SCRIB: variants seen among roughly 807,000 people sequenced by gnomAD.
The protein encoded by SCRIB is scribble planar cell polarity protein.
SCRIB carries 72 observed loss-of-function variants against 170.0 expected under a neutral mutation model. That is an observed-to-expected ratio of 0.42 (90% CI 0.35 to 0.52). The LOEUF is 0.52. SCRIB is among the 20% of genes least tolerant of loss of function. The pLI is 0.02. For missense variants in SCRIB, 2,475 were observed against 2,338.5 expected (o/e 1.06, Z -1.20); for synonymous variants, 1,298 against 1,044.3 (o/e 1.24, Z -4.68).
At chr8:143,814,956 AC>A in intron 1 of SCRIB, 1 of 494,618 alleles carries the variant, frequency 2.0e-6, no homozygotes, top group East Asian at 3.6e-5. Context: ...CTGAATCCCC[AC>A]GGGTTTCACT....
chr8:143,802,156 T>A (rs1554635091), intron 24 of SCRIB, among the ~76,000 whole-genome samples: 1 of 152,234 alleles, frequency 6.6e-6, no homozygotes, highest in Non-Finnish European at 1.5e-5. Flanking sequence ...AGATAAATCC[T>A]TCCCCAGAAA....
chr8:143,810,877 G>T (rs199785081), intron 11 of SCRIB, 29 bp downstream of exon 11: 2 of 1,609,182 alleles, frequency 1.2e-6, no homozygotes, highest in African/African-American at 1.3e-5. Flanking sequence ...GAGCCACCCC[G>T]CGCTAAGCAC....
chr8:143,798,282 A>T (rs782673651), intron 24 of SCRIB, among the ~76,000 whole-genome samples: 26 of 152,212 alleles, frequency 1.7e-4, no homozygotes, highest in Non-Finnish European at 3.4e-4. Flanking sequence ...ACAGATTTTT[A>T]AAAAGTTACC....
chr8:143,801,976 G>A (rs1207700794), intron 24 of SCRIB, among the ~76,000 whole-genome samples: 4 of 152,224 alleles, frequency 2.6e-5, no homozygotes, highest in African/African-American at 7.2e-5. Flanking sequence ...TGCAGACATG[G>A]CACTAGCCCT....
intron 24 of SCRIB, 71 bp from the exon 25 acceptor site, chr8:143,795,601 T>C (rs2130010839): frequency 7.7e-7 from 1 of 1,306,036 alleles, no homozygotes; most frequent in Non-Finnish European, 1.1e-6. Context: ...CAGGCTGGGG[T>C]CCCAGCCCAG....
intron 24 of SCRIB, among the ~76,000 whole-genome samples, chr8:143,795,851 C>G (rs1038746308): frequency 2.0e-5 from 3 of 152,354 alleles, no homozygotes; most frequent in South Asian, 2.1e-4. Context: ...CCAGGAAGAG[C>G]TGACAGCCAC....
intron 24 of SCRIB, among the ~76,000 whole-genome samples, chr8:143,802,593 G>A (rs1437344922): frequency 3.3e-5 from 5 of 152,256 alleles, no homozygotes; most frequent in African/African-American, 1.2e-4. Context: ...ACCCTCTTGT[G>A]GCCCTGCAGG....
chr8:143,809,085 C>A (rs1248361482), intron 14 of SCRIB, 60 bp from the exon 15 acceptor site: 2 of 1,541,690 alleles, frequency 1.3e-6, no homozygotes, highest in East Asian at 4.5e-5. Flanking sequence ...CACAGGAAGA[C>A]CCTACTAAAC....
intron 24 of SCRIB, among the ~76,000 whole-genome samples, chr8:143,802,599 G>A (rs1386087125): frequency 1.3e-5 from 2 of 152,264 alleles, no homozygotes; most frequent in Admixed American, 6.5e-5. Flanking sequence ...TTGTGGCCCT[G>A]CAGGCCACTC....
chr8:143,795,311 G>A lies in SCRIB; in HGVS notation c.3737C>T (p.Thr1246Ile). ...PGKEKELPGQ[T>I]LHWGPEATEA... Reference sequence around the variant, plus strand: ...TGTGGCCTCGGGCCCCCAGTGCAGGGTCTGTCCAGGCAGCTCCTTCTCCTG... The same window carrying A: ...TGTGGCCTCGGGCCCCCAGTGCAGGATCTGTCCAGGCAGCTCCTTCTCCTG... The change falls in exon 26 of 37, where the codon ACC becomes ATC. Residue 1246 changes from threonine to isoleucine, a missense_variant. By Grantham distance (89) the Thr-to-Ile change is moderately conservative. This residue lies in a region of SCRIB where 1,966 missense variants were observed against 1,742.9 expected (regional missense o/e 1.13). Transcript: ENST00000356994. 6.2e-7 allele frequency: 1 copy of A among 1,612,718 alleles called. No individual in the cohort carries two copies. Among genetic ancestry groups the A allele is most frequent in the South Asian group, 1.1e-5 (1 of 91,072 alleles).
Position 143,803,576 on chromosome 8 carries a change from G to A in SCRIB, c.3415-5C>T, listed in dbSNP as rs1815266917. On this transcript the variant is annotated splice_polypyrimidine_tract_variant and splice_region_variant and intron_variant, in intron 23 of 36. Transcript: ENST00000356994. ...GGCTGCCCCCGTGGGGCTCACCTGT[G>A]GGGAGACGTGGTATGGGAGAGACCT... 1 of 1,598,978 alleles carries A rather than the reference G, an allele frequency of 6.3e-7. No individual in the cohort carries two copies. The highest frequency in any genetic ancestry group is 8.5e-7 in the Non-Finnish European group (1 of 1,176,772).
intron 18 of SCRIB, 94 bp downstream of exon 18, chr8:143,806,313 G>T: frequency 1.0e-6 from 1 of 977,410 alleles, no homozygotes; most frequent in Non-Finnish European, 1.6e-6. Flanking sequence ...CTCTTGGGGA[G>T]GCCGGGAGAA....
rs1450068575 is a variant in SCRIB, at chr8:143,793,762, C to T, written c.3909+138G>A. 1.0e-5 allele frequency: 8 copies of T among 786,014 alleles called. No individual in the cohort carries two copies. The East Asian group carries it at 2.1e-4, about 21-fold the overall frequency. 48.7% of individuals were successfully genotyped at this position (786,014 alleles called of 1,614,324 possible). ...CCTCACACAGGAGGCCCCATGGTAG[C>T]AGAGGGAAAACCGGAGTCAACAGCA... On this transcript the variant is annotated intron_variant, in intron 28 of 36. Coordinates refer to ENST00000356994, the MANE Select transcript of SCRIB (RefSeq NM_182706.5).
In SCRIB at chr8:143,812,929, C is replaced by T; in HGVS notation, c.675G>A (p.Leu225=). 4 of 1,612,666 alleles carry T rather than the reference C, an allele frequency of 2.5e-6. No homozygotes were observed. Among genetic ancestry groups the T allele is most frequent in the East Asian group, 2.2e-5 (1 of 44,860 alleles). The change falls in exon 8 of 37, where the codon CTG becomes CTA. Residue 225 remains leucine (L), a synonymous_variant. Coordinates refer to ENST00000356994, the MANE Select transcript of SCRIB (RefSeq NM_182706.5). ...CCTCCAGCCGGTTTTCCGACACGTC[C>T]AGGCACACCAGGCGCCGCAGGTTCC... The part of the protein sequence containing the change: ...ELGNLRRLVC[L]DVSENRLEEL...
chr8:143,805,094 C>T lies in SCRIB; in HGVS notation c.2670+18G>A, dbSNP rs1554636126. The stretch of plus-strand genomic sequence containing the variant: ...CAGCTCTAGAGCAGCCCTCCCCGGC[C>T]CTGGGCCCCAGCCTCACCGCATCAC... On this transcript the variant is annotated intron_variant, in intron 19 of 36. Coordinates refer to ENST00000356994, the MANE Select transcript of SCRIB (RefSeq NM_182706.5). 2 of 1,597,470 alleles carry T rather than the reference C, an allele frequency of 1.3e-6. No homozygotes were observed. Among genetic ancestry groups the T allele is most frequent in the South Asian group, 1.1e-5 (1 of 88,552 alleles).
intron 27 of SCRIB, among the ~76,000 whole-genome samples, chr8:143,794,544 C>G (rs1262739432): frequency 6.6e-6 from 1 of 152,152 alleles, no homozygotes; most frequent in Non-Finnish European, 1.5e-5. Flanking sequence ...CCTCGGCACT[C>G]ACGTTCGGTG....
In SCRIB at chr8:143,792,340, C is replaced by T; in HGVS notation, c.4394G>A (p.Arg1465Gln). Reference protein sequence around the residue: ...GAPVRTAKAERRHQERLRVQS... With the variant: ...GAPVRTAKAEQRHQERLRVQS... ...CACGCGCAGCCGCTCCTGGTGGCGC[C>T]GTTCAGCTTTGGCCGTCCGCACCGG... The change falls in exon 32 of 37, where the codon CGG (arginine) becomes CAG (glutamine). Residue 1465 changes from arginine (R) to glutamine (Q), a missense_variant. Physicochemically the swap from Arg to Gln is conservative, Grantham distance 43. Coordinates refer to ENST00000356994, the MANE Select transcript of SCRIB (RefSeq NM_182706.5). The T allele has an allele frequency of 7.8e-6, 12 of 1,543,898 alleles. No individual in the cohort carries two copies. The highest frequency in any genetic ancestry group is 1.0e-5 in the Non-Finnish European group (12 of 1,151,098).
At chr8:143,805,877 G>A (rs1554636449) in intron 18 of SCRIB, among the ~76,000 whole-genome samples, 1 of 152,204 alleles carries the variant, frequency 6.6e-6, no homozygotes, top group East Asian at 1.9e-4. Flanking sequence ...TGAGCCCTGG[G>A]CAGACGCCTC....
chr8:143,805,219 C>T lies in SCRIB; in HGVS notation c.2563G>A (p.Gly855Arg), dbSNP rs1554636204. 5 of 1,557,140 alleles carry T rather than the reference C, an allele frequency of 3.2e-6. No individual in the cohort carries two copies. The highest frequency in any genetic ancestry group is 2.4e-5 in the East Asian group (1 of 42,486). ...RLPLLPPESP[G>R]PLRQRHVACL... The stretch of plus-strand genomic sequence containing the variant: ...GCCACGTGGCGCTGACGGAGGGGCC[C>T]GGGGCTCTCAGGCGGGAGCAGGGGC... Residue 855 changes from glycine (G) to arginine (R), a missense_variant, in exon 19 of 37, where the codon GGG becomes AGG. By Grantham distance (125) the Gly-to-Arg change is moderately radical. Coordinates refer to ENST00000356994, the MANE Select transcript of SCRIB (RefSeq NM_182706.5).
Sources: gnomAD v4.1 joint callset for allele counts (sites outside exome capture counted in the v4.1 genomes callset) on GRCh38, gnomAD v4.1.1 for gene constraint, gnomAD v4.1.1 regional missense constraint, MANE v1.5 for transcripts, NCBI Gene and HGNC (gene_info 2026-07-23, HGNC 2026-07-21) for gene names.